CELSR1: variants seen among roughly 807,000 people sequenced by gnomAD.
The protein encoded by CELSR1 is cadherin EGF LAG seven-pass G-type receptor 1, also known as adhesion G protein-coupled receptor C1.
In CELSR1, 110 loss-of-function variants were observed where a neutral mutation model predicts 249.1. That is an observed-to-expected ratio of 0.44 (90% CI 0.38 to 0.52). The LOEUF is 0.52. Among genes scored for constraint, CELSR1 ranks in the 20% least tolerant of loss-of-function variants. CELSR1 has a pLI of 0.00. For missense variants in CELSR1, 4,109 were observed against 4,296.4 expected, an observed-to-expected ratio of 0.96 and a Z score of 1.22; for synonymous variants, 2,113 against 1,900.0, an observed-to-expected ratio of 1.11 and a Z score of -2.92.
At chr22:46,418,793 AAAGAAATCACAC>A (rs1488403934) in intron 5 of CELSR1, among the ~76,000 whole-genome samples, 3 of 152,252 alleles carry the variant, frequency 2.0e-5, no homozygotes, top group African/African-American at 7.2e-5. Context: ...AGAGATTCTT[AAAGAAATCACAC>A]AAAGCCTTTT....
chr22:46,409,630 A>C lies in CELSR1; in HGVS notation c.5059+125T>G, dbSNP rs955584894. The stretch of plus-strand genomic sequence containing the variant: ...GGCGGTGTGAGTCCACAGTAAATGC[A>C]GCATATACCACCAGAGGCTGCCGGA... On this transcript the variant is annotated intron_variant, in intron 8 of 34. Transcript: ENST00000674500. This position sits in a 1 kb window ranked among gnomAD's most constrained non-coding sequence, Gnocchi z 9.8. 1.9e-5 allele frequency: 22 copies of C among 1,151,384 alleles called. No individual in the cohort carries two copies. Among genetic ancestry groups the C allele is most frequent in the Non-Finnish European group, 2.8e-5 (22 of 795,958 alleles). The allele number at this position is 1,151,384 out of a possible 1,614,324, so 71.3% of individuals were successfully genotyped here. A position where few individuals can be genotyped will look rare whatever the true frequency, so the allele number is the denominator to read the frequency against.
intron 1 of CELSR1, among the ~76,000 whole-genome samples, chr22:46,485,504 G>A (rs534497324): frequency 6.6e-6 from 1 of 152,250 alleles, no homozygotes; most frequent in African/African-American, 2.4e-5. Flanking sequence ...TGCATGCGGG[G>A]CCGCCAGGCA....
chr22:46,470,750 C>G (rs1394313799), intron 1 of CELSR1, among the ~76,000 whole-genome samples: 2 of 152,138 alleles, frequency 1.3e-5, no homozygotes, highest in Non-Finnish European at 2.9e-5. Context: ...ATCCCCACAA[C>G]GGAATATGAC....
rs779696444 is a variant in CELSR1, at chr22:46,369,225, C to G, written c.7906G>C (p.Val2636Leu). The G allele has an allele frequency of 2.5e-6, 4 of 1,613,926 alleles. No individual in the cohort carries two copies. The highest frequency in any genetic ancestry group is 3.3e-5 in the Admixed American group (2 of 60,002). The change falls in exon 27 of 35, where the codon GTT (valine) becomes CTT (leucine). Residue 2636 changes from valine to leucine, a missense_variant. By Grantham distance (32) the Val-to-Leu change is conservative. Transcript: ENST00000674500. ...TAATGGTGCTTTCTTTGGCAGGAAACCTTTGCAGATAGGACAGAAGTGACT... is the reference window on the plus strand; with the variant it reads ...TAATGGTGCTTTCTTTGGCAGGAAAGCTTTGCAGATAGGACAGAAGTGACT... Reference protein sequence around the residue: ...NTVTSVLSAKVSCQRKHHYYG... With the variant: ...NTVTSVLSAKLSCQRKHHYYG...
At chr22:46,419,742 GTGCATACTCAA>G (rs1311457196) in intron 5 of CELSR1, among the ~76,000 whole-genome samples, 1 of 151,264 alleles carries the variant, frequency 6.6e-6, no homozygotes, top group East Asian at 2.0e-4. Context: ...ACCCACACTC[GTGCATACTCAA>G]ACCCACACGT....
Position 46,399,053 on chromosome 22 carries a change from A to T in CELSR1, c.5413-416T>A, listed in dbSNP as rs932755417. Among the ~76,000 whole-genome samples the T allele has an allele frequency of 6.6e-6, 1 of 152,222 alleles. No individual in the cohort carries two copies. The highest frequency in any genetic ancestry group is 2.4e-5 in the African/African-American group (1 of 41,454). Reference sequence around the variant, plus strand: ...TCTCGGCTGAGATCCAGTCCCAGAAAGGCAGGTGCCTGGAACACACCTATT... The same window carrying T: ...TCTCGGCTGAGATCCAGTCCCAGAATGGCAGGTGCCTGGAACACACCTATT... On this transcript the variant is annotated intron_variant, in intron 10 of 34. Coordinates refer to ENST00000674500, the MANE Select transcript of CELSR1 (RefSeq NM_001378328.1). This position sits in a 1 kb window ranked among gnomAD's most constrained non-coding sequence, Gnocchi z 5.0.
At chr22:46,368,863 C>T (rs902622370) in intron 27 of CELSR1, among the ~76,000 whole-genome samples, 1 of 152,128 alleles carries the variant, frequency 6.6e-6, no homozygotes, top group African/African-American at 2.4e-5. Context: ...TCCCCCACCC[C>T]ACCCATCTCC....
chr22:46,444,427 C>G (rs1384497353), intron 2 of CELSR1, among the ~76,000 whole-genome samples: 1 of 152,204 alleles, frequency 6.6e-6, no homozygotes, highest in Non-Finnish European at 1.5e-5. Flanking sequence ...AGGGGGGCAC[C>G]TCTGCAGGGA....
At chr22:46,498,249 CAAAAAAAA>C (rs201495106) in intron 1 of CELSR1, among the ~76,000 whole-genome samples, 2 of 57,828 alleles carry the variant, frequency 3.5e-5, no homozygotes, top group Non-Finnish European at 5.4e-5. Flanking sequence ...AACTCTGTCT[CAAAAAAAA>C]AAAAAAAAAA....
At chr22:46,524,576 C>CGGG (rs2080720594) in intron 1 of CELSR1, among the ~76,000 whole-genome samples, 1 of 114,930 alleles carries the variant, frequency 8.7e-6, no homozygotes, top group Non-Finnish European at 2.1e-5. Context: ...GTGTGTCTGT[C>CGGG]TGTCTGTGTG....
At position 46,440,802 on chromosome 22, in the gene CELSR1, A is replaced by G. The variant is rs1377148580; in HGVS notation, c.4184-1391T>C. 1.3e-5 allele frequency among the ~76,000 whole-genome samples: 2 copies of G among 152,146 alleles called. No homozygotes were observed. Among genetic ancestry groups the G allele is most frequent in the Non-Finnish European group, 2.9e-5 (2 of 68,036 alleles). ...AGCCCCACAGAAATTTTTTGTCTGT[A>G]TGTGATCATATTTATCCATTTTTTT... On this transcript the variant is annotated intron_variant, in intron 2 of 34. Coordinates refer to ENST00000674500, the MANE Select transcript of CELSR1 (RefSeq NM_001378328.1). The surrounding 1 kb of genome is among the most constrained non-coding windows in gnomAD (Gnocchi z 4.7).
rs2079621755 is a variant in CELSR1, at chr22:46,433,546, A to T, written c.4523-65T>A. ...TGGCGGGGCCTACTGGGGACCGAGG[A>T]TTGCGCTGTGAGGCATCAGGGGGAG... is the stretch of plus-strand genomic sequence containing the variant. On this transcript the variant is annotated intron_variant, in intron 4 of 34. Transcript: ENST00000674500. This position sits in a 1 kb window ranked among gnomAD's most constrained non-coding sequence, Gnocchi z 5.7. The T allele has an allele frequency of 6.9e-6, 9 of 1,310,094 alleles. No individual in the cohort carries two copies. Among genetic ancestry groups the T allele is most frequent in the Admixed American group, 1.9e-5 (1 of 52,614 alleles). 81.2% of individuals were successfully genotyped at this position (1,310,094 alleles called of 1,614,324 possible).
chr22:46,400,120 A>G (rs2079195443), intron 9 of CELSR1, among the ~76,000 whole-genome samples: 1 of 152,124 alleles, frequency 6.6e-6, no homozygotes, highest in South Asian at 2.1e-4. Context: ...ACCTGAAGTC[A>G]AAAGTTCGTG....
Position 46,364,032 on chromosome 22 carries a change from C to A in CELSR1, c.8999G>T (p.Arg3000Leu). Residue 3000 changes from arginine (R) to leucine (L), a missense_variant, in exon 34 of 35, where the codon CGC becomes CTC. This residue lies in a region of CELSR1 where 1,805 missense variants were observed against 1,831.6 expected (regional missense o/e 0.99). Transcript: ENST00000674500. ...GCCATCGGCCTGGGCGCTCCCAGTG[C>A]GCACATTCATGGCCACCCCGTTGAG... ...DHLNGVAMNV[R>L]TGSAQADGSD... 1.9e-6 allele frequency: 3 copies of A among 1,611,064 alleles called. No individual in the cohort carries two copies. The highest frequency in any genetic ancestry group is 2.5e-6 in the Non-Finnish European group (3 of 1,179,160).
chr22:46,481,255 G>T, intron 1 of CELSR1: 1 of 334,792 alleles, frequency 3.0e-6, no homozygotes. Flanking sequence ...AAAAAAAAAA[G>T]ACTAAAATTC....
chr22:46,530,085 G>A (rs1427152012), intron 1 of CELSR1, among the ~76,000 whole-genome samples: 1 of 151,806 alleles, frequency 6.6e-6, no homozygotes, highest in Non-Finnish European at 1.5e-5. Context: ...CAAGGCAGAT[G>A]GATCACTTGA....
In CELSR1 at chr22:46,395,047, C is replaced by T. The variant is rs2079133339; in HGVS notation, c.5844-785G>A. ...AATCCCCCCTGGCTAACCAAGTTCC[C>T]TCCACCCAGCTGCCAGCCTCTAGCA... On this transcript the variant is annotated intron_variant, in intron 13 of 34. Coordinates refer to ENST00000674500, the MANE Select transcript of CELSR1 (RefSeq NM_001378328.1). This position sits in a 1 kb window ranked among gnomAD's most constrained non-coding sequence, Gnocchi z 5.5. 6.6e-6 allele frequency among the ~76,000 whole-genome samples: 1 copy of T among 152,226 alleles called. No individual in the cohort carries two copies. The highest frequency in any genetic ancestry group is 2.1e-4 in the South Asian group (1 of 4,834).
rs768527131 is a variant in CELSR1, at chr22:46,393,003, G to A, written c.5964+1139C>T. Among the ~76,000 whole-genome samples the A allele has an allele frequency of 5.9e-5, 9 of 152,198 alleles. No individual in the cohort carries two copies. Among genetic ancestry groups the A allele is most frequent in the Non-Finnish European group, 7.3e-5 (5 of 68,040 alleles). On this transcript the variant is annotated intron_variant, in intron 14 of 34. Transcript: ENST00000674500. The surrounding 1 kb of genome is among the most constrained non-coding windows in gnomAD (Gnocchi z 4.1). The stretch of plus-strand genomic sequence containing the variant: ...GACCCAGGAGAGCTGTTTAATTTGA[G>A]CCTTTCAGGACACAAGTCCCATTTG...
Position 46,448,928 on chromosome 22 carries a change from G to A in CELSR1, c.4184-9517C>T, listed in dbSNP as rs374221241. ...ACAGATAGGAGGCCAAGAGGGGAAC[G>A]TTACAGGGTTTCTAAGAGGAAAAGG... On this transcript the variant is annotated intron_variant, in intron 2 of 34. Coordinates refer to ENST00000674500, the MANE Select transcript of CELSR1 (RefSeq NM_001378328.1). The surrounding 1 kb of genome is among the most constrained non-coding windows in gnomAD (Gnocchi z 5.7). Among the ~76,000 whole-genome samples, 19 of 152,138 alleles carry A rather than the reference G, an allele frequency of 1.2e-4. No homozygotes were observed. The highest frequency in any genetic ancestry group is 3.4e-4 in the African/African-American group (14 of 41,414).
Sources: gnomAD v4.1 joint callset for allele counts (sites outside exome capture counted in the v4.1 genomes callset) on GRCh38, gnomAD v4.1.1 for gene constraint, gnomAD v4.1.1 regional missense constraint, Gnocchi (gnomAD v3.1) non-coding constraint, MANE v1.5 for transcripts, NCBI Gene and HGNC (gene_info 2026-07-23, HGNC 2026-07-21) for gene names.